The following ZNF160 variants were observed in gnomAD, a reference collection of about 807,000 sequenced individuals.
ZNF160 encodes zinc finger protein 160.
Under a neutral mutation model 13.1 loss-of-function variants are expected in ZNF160, and 9 were observed. The ratio of observed to expected loss-of-function variants is 0.69; its 90% CI spans 0.41 to 1.20. The LOEUF is 1.20. Among genes scored for constraint, ZNF160 ranks in the 50% most tolerant of loss-of-function variants. The probability of loss-of-function intolerance (pLI) is 0.01; values close to 1 mark genes in which losing one functional copy is unlikely to be tolerated. For missense variants in ZNF160, 838 were observed against 988.0 expected, an observed-to-expected ratio of 0.85 and a Z score of 2.04; for synonymous variants, 293 against 333.2, an observed-to-expected ratio of 0.88 and a Z score of 1.31.
At chr19:53,090,265 C>T (rs2084986468) in intron 2 of ZNF160, among the ~76,000 whole-genome samples, 4 of 152,140 alleles carry the variant, frequency 2.6e-5, no homozygotes, top group Admixed American at 6.6e-5. Context: ...TTCTGCCCCT[C>T]TCCCTATCTT....
chr19:53,080,304 G>A (rs1342092520), intron 3 of ZNF160, among the ~76,000 whole-genome samples: 1 of 152,052 alleles, frequency 6.6e-6, no homozygotes, highest in East Asian at 1.9e-4. Context: ...TCTCCATGTT[G>A]GTCAGGCTGG....
At chr19:53,083,487 T>A (rs1441715936) in intron 3 of ZNF160, among the ~76,000 whole-genome samples, 1 of 152,228 alleles carries the variant, frequency 6.6e-6, no homozygotes. Flanking sequence ...TTTCATTTCG[T>A]TAAGGCCTTC....
chr19:53,074,124 C>G lies in ZNF160; in HGVS notation c.271+16G>C. 6.2e-7 allele frequency: 1 copy of G among 1,612,844 alleles called. No homozygotes were observed. The highest frequency in any genetic ancestry group is 8.5e-7 in the Non-Finnish European group (1 of 1,179,080). ...AGTTAATGAGTGGCCTTCTCTCTGCCCATCTGAGCTCTTACCTGTGACCAC... is the reference window on the plus strand; with the variant it reads ...AGTTAATGAGTGGCCTTCTCTCTGCGCATCTGAGCTCTTACCTGTGACCAC... On this transcript the variant is annotated intron_variant, in intron 5 of 5. Coordinates refer to ENST00000683776, the MANE Select transcript of ZNF160 (RefSeq NM_001322131.2).
Position 53,068,581 on chromosome 19 carries a change from A to G in ZNF160, c.1953T>C (p.Cys651=), listed in dbSNP as rs759789943. Residue 651 remains cysteine (C), a synonymous_variant, in exon 6 of 6, where the codon TGT becomes TGC. Transcript: ENST00000683776. ...RIHTGEKPYK[C]NECGKAFSMH... is the part of the protein sequence containing the mutation. ...TACTAAAGGCTTTCCCACACTCATT[A>G]CACTTGTAAGGTTTCTCTCCAGTAT... is the stretch of plus-strand genomic sequence containing the variant. 4.2e-5 allele frequency: 68 copies of G among 1,614,028 alleles called. No individual in the cohort carries two copies. The highest frequency in any genetic ancestry group is 5.7e-5 in the Non-Finnish European group (67 of 1,180,040).
At position 53,086,249 on chromosome 19, in the gene ZNF160, A is replaced by G. The variant is rs760696047; in HGVS notation, c.15+13T>C. 2.1e-5 allele frequency: 33 copies of G among 1,584,194 alleles called. No homozygotes were observed. In the East Asian group the frequency reaches 7.2e-4, roughly 34 times the overall value. On this transcript the variant is annotated intron_variant, in intron 3 of 5. Coordinates refer to ENST00000683776, the MANE Select transcript of ZNF160 (RefSeq NM_001322131.2). ...AGAAATAAAAGAACAATCCACCAGG[A>G]GTATCACTTTACCTGAGTAAGGGCC...
chr19:53,082,887 T>C (rs1293423937), intron 3 of ZNF160, among the ~76,000 whole-genome samples: 1 of 34,500 alleles, frequency 2.9e-5, no homozygotes, highest in African/African-American at 1.1e-4. Flanking sequence ...TCCTGTGCTT[T>C]TGACAGACTG....
chr19:53,071,385 T>C (rs2084169389), intron 5 of ZNF160, among the ~76,000 whole-genome samples: 1 of 151,522 alleles, frequency 6.6e-6, no homozygotes, highest in African/African-American at 2.4e-5. Flanking sequence ...ACTCTGTCTC[T>C]GCTAAAAATA....
At chr19:53,095,280 A>AAC (rs1555771015) in intron 1 of ZNF160, 6 of 140,354 alleles carry the variant, frequency 4.3e-5, no homozygotes, top group Non-Finnish European at 6.1e-5. Flanking sequence ...CACCCTCCCC[A>AAC]CCTGGCCTCT....
Position 53,075,153 on chromosome 19 carries a change from C to T in ZNF160, c.46G>A (p.Glu16Lys). Reference sequence around the variant, plus strand: ...CATTTCCACTCCTCCTGAGAGAATTCTATGGCCACATCCCTAAATGTCAAC... The same window carrying T: ...CATTTCCACTCCTCCTGAGAGAATTTTATGGCCACATCCCTAAATGTCAAC... ...VRLTFRDVAI[E>K]FSQEEWKCLD... The change falls in exon 4 of 6, where the codon GAA (glutamate) becomes AAA (lysine). Residue 16 changes from glutamate to lysine, a missense_variant. This residue lies in a region of ZNF160 where 387 missense variants were observed against 402.3 expected (regional missense o/e 0.96). Transcript: ENST00000683776. 2.5e-6 allele frequency: 4 copies of T among 1,614,168 alleles called. 1 individual carries two copies. In the South Asian group the frequency reaches 3.3e-5, roughly 13 times the overall value.
At chr19:53,100,336 C>T (rs1283449082) in intron 1 of ZNF160, among the ~76,000 whole-genome samples, 3 of 152,196 alleles carry the variant, frequency 2.0e-5, no homozygotes, top group Non-Finnish European at 4.4e-5. Context: ...GTTGGCCGAG[C>T]GTGGTGGCTC....
intron 3 of ZNF160, chr19:53,075,842 A>C (rs1205872473): frequency 7.7e-6 from 4 of 518,630 alleles, no homozygotes; most frequent in Non-Finnish European, 1.5e-5. Flanking sequence ...CTGGTCATTG[A>C]GAAGCACAGG....
At chr19:53,075,847 C>G (rs1381200951) in intron 3 of ZNF160, 3 of 518,324 alleles carry the variant, frequency 5.8e-6, no homozygotes, top group African/African-American at 1.9e-5. Flanking sequence ...CATTGAGAAG[C>G]ACAGGCCACA....
chr19:53,087,412 C>T (rs547015514), intron 2 of ZNF160, among the ~76,000 whole-genome samples: 2 of 152,266 alleles, frequency 1.3e-5, no homozygotes, highest in South Asian at 4.1e-4. Flanking sequence ...ACACTTACAA[C>T]ATAGTATCTT....
In ZNF160 at chr19:53,067,510, T is replaced by A. The variant is rs576314756; in HGVS notation, c.*567A>T. 1.3e-5 allele frequency: 2 copies of A among 152,342 alleles called. No homozygotes were observed. The highest frequency in any genetic ancestry group is 2.9e-5 in the Non-Finnish European group (2 of 68,094). 9.4% of individuals were successfully genotyped at this position (152,342 alleles called of 1,614,324 possible). A position where few individuals can be genotyped will look rare whatever the true frequency, so the allele number is the denominator to read the frequency against. On this transcript the variant is annotated 3_prime_UTR_variant, in exon 6 of 6. Coordinates refer to ENST00000683776, the MANE Select transcript of ZNF160 (RefSeq NM_001322131.2). ...CTTCACCCAATCAATGATCCTTCCA[T>A]CCCAATGATCTTTCCAAGAAAGCAC... is the stretch of plus-strand genomic sequence containing the variant.
At chr19:53,074,635 A>G (rs1166195597) in intron 4 of ZNF160, among the ~76,000 whole-genome samples, 1 of 141,796 alleles carries the variant, frequency 7.1e-6, no homozygotes, top group Non-Finnish European at 1.5e-5. Context: ...ACGCCACTGC[A>G]CTCCAGCCCG....
At chr19:53,085,773 C>T (rs1202273760) in intron 3 of ZNF160, 3 of 435,292 alleles carry the variant, frequency 6.9e-6, no homozygotes, top group Non-Finnish European at 1.2e-5. Context: ...TGTTCCCAGT[C>T]TTTACGAGTT....
At chr19:53,078,114 C>A (rs775632811) in intron 3 of ZNF160, among the ~76,000 whole-genome samples, 2 of 152,100 alleles carry the variant, frequency 1.3e-5, no homozygotes, top group East Asian at 3.9e-4. Flanking sequence ...GTGGTGGGCA[C>A]CTGTAATCCC....
intron 1 of ZNF160, among the ~76,000 whole-genome samples, chr19:53,096,307 C>T (rs924807769): frequency 6.6e-6 from 1 of 152,138 alleles, no homozygotes; most frequent in African/African-American, 2.4e-5. Flanking sequence ...CAGGGGTGGA[C>T]TGCATGTTTG....
rs56799856 is a variant in ZNF160 at position 53,071,539 on chromosome 19, CAAAAAAAAAAA to C, written c.272-1288_272-1278del. Among the ~76,000 whole-genome samples, 33 of 58,784 alleles carry C rather than the reference CAAAAAAAAAAA, an allele frequency of 5.6e-4. No homozygotes were observed. In the South Asian group the frequency reaches 0.02, roughly 36 times the overall value. 38.6% of individuals were successfully genotyped at this position (58,784 alleles called of 152,430 possible). On this transcript the variant is annotated intron_variant, in intron 5 of 5. Coordinates refer to ENST00000683776, the MANE Select transcript of ZNF160 (RefSeq NM_001322131.2). The stretch of plus-strand genomic sequence containing the variant: ...CAACAAGAGCAAAACTCCGTCTCAT[CAAAAAAAAAAA>C]AAAAAAAAAGGCTGAGGCATGAGGA...
Sources: gnomAD v4.1 joint callset for allele counts (sites outside exome capture counted in the v4.1 genomes callset) on GRCh38, gnomAD v4.1.1 for gene constraint, gnomAD v4.1.1 regional missense constraint, MANE v1.5 for transcripts, NCBI Gene and HGNC (gene_info 2026-07-23, HGNC 2026-07-21) for gene names.